LRRC20: variants seen among roughly 807,000 people sequenced by gnomAD.
The protein encoded by LRRC20 is leucine-rich repeat-containing protein 20.
Under a neutral mutation model 14.4 loss-of-function variants are expected in LRRC20, and 11 were observed. The ratio of observed to expected loss-of-function variants is 0.77; its 90% CI spans 0.48 to 1.27. The LOEUF (loss-of-function observed/expected upper bound fraction) is 1.27, where lower values mean the gene tolerates loss of function less well. Among genes scored for constraint, LRRC20 ranks in the 50% most tolerant of loss-of-function variants. The pLI is 0.00. For synonymous variants in LRRC20, 121 were observed against 107.3 expected (o/e 1.13, Z -0.79); for missense variants, 219 against 251.2 (o/e 0.87, Z 0.87).
At chr10:70,347,627 C>T (rs1362669882) in intron 2 of LRRC20, among the ~76,000 whole-genome samples, 1 of 152,086 alleles carries the variant, frequency 6.6e-6, no homozygotes, top group African/African-American at 2.4e-5. Flanking sequence ...CAAGACCAGC[C>T]TAGCCAACAT....
In LRRC20 at chr10:70,300,700, C is replaced by A; in HGVS notation, c.*654G>T. The A allele has an allele frequency of 3.0e-6, 3 of 985,616 alleles. No homozygotes were observed. The highest frequency in any genetic ancestry group is 3.6e-6 in the Non-Finnish European group (3 of 830,066). 61.1% of individuals were successfully genotyped at this position (985,616 alleles called of 1,614,324 possible). A position where few individuals can be genotyped will look rare whatever the true frequency, so the allele number is the denominator to read the frequency against. On this transcript the variant is annotated 3_prime_UTR_variant, in exon 5 of 5. Transcript: ENST00000446961. ...ACGTGACTTGCTCCCCATTCCCAGC[C>A]TGCTGGTCCTCGGGCTCCTACATGA...
chr10:70,381,752 C>T (rs543811682), intron 1 of LRRC20: 1 of 152,266 alleles, frequency 6.6e-6, no homozygotes, highest in Admixed American at 6.5e-5. Flanking sequence ...TCCCAAACCC[C>T]CCTTCAGATC....
chr10:70,309,081 C>G (rs1242299581), intron 4 of LRRC20, among the ~76,000 whole-genome samples: 2 of 152,336 alleles, frequency 1.3e-5, no homozygotes, highest in East Asian at 3.9e-4. Context: ...AGTTCTGTTG[C>G]AGCCATTCCC....
intron 1 of LRRC20, among the ~76,000 whole-genome samples, chr10:70,377,964 T>A (rs1459274907): frequency 6.6e-6 from 1 of 152,220 alleles, no homozygotes; most frequent in East Asian, 1.9e-4. Flanking sequence ...TTGGGAGAGT[T>A]TCTTAACTCC....
chr10:70,304,473 TATA>T (rs1564607820), intron 4 of LRRC20, among the ~76,000 whole-genome samples: 5 of 11,174 alleles, frequency 4.5e-4, no homozygotes, highest in African/African-American at 2.3e-3. Context: ...CACTTCTTTA[TATA>T]TATATATATA....
chr10:70,353,571 C>A (rs1318337565), intron 2 of LRRC20, among the ~76,000 whole-genome samples: 2 of 152,096 alleles, frequency 1.3e-5, no homozygotes, highest in Non-Finnish European at 2.9e-5. Context: ...GCATGCACCA[C>A]CACGCCCAAC....
intron 3 of LRRC20, among the ~76,000 whole-genome samples, chr10:70,335,604 C>A (rs186405774): frequency 2.4e-4 from 37 of 152,322 alleles, no homozygotes; most frequent in African/African-American, 8.7e-4. Context: ...TGGCCTCACA[C>A]AGCTTCTCCC....
chr10:70,318,030 A>G, intron 4 of LRRC20, among the ~76,000 whole-genome samples: 1 of 152,248 alleles, frequency 6.6e-6, no homozygotes, highest in East Asian at 1.9e-4. Context: ...GACTTATTAT[A>G]CAAACAAATC....
At chr10:70,301,641 G>T in intron 4 of LRRC20, 133 bp from the exon 5 acceptor site, 2 of 1,073,378 alleles carry the variant, frequency 1.9e-6, no homozygotes, top group Non-Finnish European at 2.7e-6. Context: ...CGTGGGCTCA[G>T]CTCCTGGTGC....
At chr10:70,325,026 G>T (rs1842265234) in intron 3 of LRRC20, among the ~76,000 whole-genome samples, 1 of 152,122 alleles carries the variant, frequency 6.6e-6, no homozygotes, top group South Asian at 2.1e-4. Flanking sequence ...GAGGCCCCAG[G>T]GGCTGTCCAG....
chr10:70,363,508 G>C (rs977833789), intron 2 of LRRC20, among the ~76,000 whole-genome samples: 3 of 152,172 alleles, frequency 2.0e-5, no homozygotes, highest in African/African-American at 7.2e-5. Context: ...AATCTCTGCT[G>C]TTCATATTTT....
chr10:70,370,316 C>T (rs1240106626), intron 2 of LRRC20, among the ~76,000 whole-genome samples: 1 of 152,140 alleles, frequency 6.6e-6, no homozygotes, highest in Non-Finnish European at 1.5e-5. Context: ...CACAGCCCTG[C>T]GACCCAGGAT....
chr10:70,327,827 G>A (rs1037965979), intron 3 of LRRC20, among the ~76,000 whole-genome samples: 3 of 152,104 alleles, frequency 2.0e-5, no homozygotes, highest in African/African-American at 7.2e-5. Context: ...CCAGCCAGCC[G>A]TGTCCAGAGC....
At chr10:70,371,992 G>A (rs774252273) in intron 2 of LRRC20, among the ~76,000 whole-genome samples, 11 of 152,132 alleles carry the variant, frequency 7.2e-5, no homozygotes, top group Non-Finnish European at 1.0e-4. Context: ...GAGCAAGCCT[G>A]TAACTGAGCT....
At chr10:70,380,063 C>T (rs1057009284) in intron 1 of LRRC20, among the ~76,000 whole-genome samples, 5 of 152,178 alleles carry the variant, frequency 3.3e-5, no homozygotes, top group African/African-American at 9.7e-5. Context: ...TCACAAGCCA[C>T]GGACCTATGC....
At chr10:70,360,642 T>C (rs922450413) in intron 2 of LRRC20, among the ~76,000 whole-genome samples, 9 of 151,980 alleles carry the variant, frequency 5.9e-5, no homozygotes, top group African/African-American at 2.2e-4. Flanking sequence ...GTGGTCTCAC[T>C]ATATGGCCTA....
chr10:70,357,456 G>A (rs1305216506), intron 2 of LRRC20, among the ~76,000 whole-genome samples: 1 of 152,226 alleles, frequency 6.6e-6, no homozygotes, highest in Non-Finnish European at 1.5e-5. Flanking sequence ...CACAGTGCCT[G>A]GCAGGTAGTT....
At chr10:70,317,540 G>C (rs1208584250) in intron 4 of LRRC20, among the ~76,000 whole-genome samples, 2 of 151,954 alleles carry the variant, frequency 1.3e-5, no homozygotes, top group East Asian at 3.9e-4. Flanking sequence ...CCTGGCTAAT[G>C]TTTTTTTAAA....
At chr10:70,320,710 A>G (rs1277814139) in intron 4 of LRRC20, among the ~76,000 whole-genome samples, 1 of 152,224 alleles carries the variant, frequency 6.6e-6, no homozygotes, top group African/African-American at 2.4e-5. Context: ...AGGTGGCAAC[A>G]AAAGCCATCC....
Sources: gnomAD v4.1 joint callset for allele counts (sites outside exome capture counted in the v4.1 genomes callset) on GRCh38, gnomAD v4.1.1 for gene constraint, MANE v1.5 for transcripts, NCBI Gene and HGNC (gene_info 2026-07-23, HGNC 2026-07-21) for gene names.